UBE3D: variants seen among roughly 807,000 people sequenced by gnomAD.
The protein encoded by UBE3D is ubiquitin protein ligase E3D, also known as E3 ubiquitin-protein ligase E3D.
Under a neutral mutation model 49.6 loss-of-function variants are expected in UBE3D, and 48 were observed. That is an observed-to-expected ratio of 0.97 (90% confidence interval 0.77 to 1.23). The LOEUF is 1.23. Ranked by LOEUF, UBE3D falls within the 50% of genes most tolerant of loss-of-function variation. UBE3D has a pLI of 0.00. For synonymous variants in UBE3D, 189 were observed against 174.2 expected (o/e 1.08, Z -0.67); for missense variants, 452 against 468.4 (o/e 0.96, Z 0.32).
At chr6:82,894,453 A>T (rs9449552) in intron 9 of UBE3D, among the ~76,000 whole-genome samples, 16,311 of 152,004 alleles carry the variant, frequency 0.11, 1,187 homozygotes, top group African/African-American at 0.2. Context: ...CATACTGCCC[A>T]GACCCCTCCC....
At chr6:82,983,996 A>G (rs1036580465) in intron 8 of UBE3D, among the ~76,000 whole-genome samples, 4 of 152,168 alleles carry the variant, frequency 2.6e-5, no homozygotes, top group African/African-American at 9.7e-5. Flanking sequence ...TATGTAAAAT[A>G]TATACTTGTT....
At chr6:82,943,444 T>C (rs1775166907) in intron 9 of UBE3D, among the ~76,000 whole-genome samples, 1 of 152,114 alleles carries the variant, frequency 6.6e-6, no homozygotes, top group Admixed American at 6.5e-5. Flanking sequence ...AAGACCACGC[T>C]GGGCAACATG....
intron 7 of UBE3D, among the ~76,000 whole-genome samples, chr6:83,021,693 C>T (rs555253492): frequency 9.2e-5 from 14 of 151,576 alleles, no homozygotes; most frequent in Admixed American, 2.6e-4. Flanking sequence ...GGTGAAACCC[C>T]GTCTCTACTA....
At chr6:82,921,877 AT>A (rs1319732800) in intron 9 of UBE3D, among the ~76,000 whole-genome samples, 1 of 152,206 alleles carries the variant, frequency 6.6e-6, no homozygotes, top group Non-Finnish European at 1.5e-5. Context: ...AACTGTAGAC[AT>A]TTTCACTAGG....
chr6:82,882,646 T>C, the UBE3D span, among the ~76,000 whole-genome samples: 1 of 152,206 alleles, frequency 6.6e-6, no homozygotes, highest in Non-Finnish European at 1.5e-5. Context: ...GAAGGGCCCA[T>C]CTGCTTCAAA....
At chr6:82,974,182 C>A (rs1195792328) in intron 8 of UBE3D, among the ~76,000 whole-genome samples, 2 of 152,124 alleles carry the variant, frequency 1.3e-5, no homozygotes, top group East Asian at 1.9e-4. Context: ...ATAATGTGCA[C>A]AATAAATGTA....
chr6:82,973,716 C>T (rs1777515276), intron 8 of UBE3D, among the ~76,000 whole-genome samples: 1 of 152,122 alleles, frequency 6.6e-6, no homozygotes, highest in Non-Finnish European at 1.5e-5. Context: ...GAGTAATCAT[C>T]CCTGTACAGC....
intron 4 of UBE3D, among the ~76,000 whole-genome samples, chr6:83,039,483 A>T (rs973162852): frequency 9.9e-5 from 15 of 152,192 alleles, no homozygotes; most frequent in Non-Finnish European, 1.5e-4. Flanking sequence ...GTGCTGCTAG[A>T]TTCAGACAGA....
intron 4 of UBE3D, among the ~76,000 whole-genome samples, chr6:83,041,965 AGTG>A (rs1031763734): frequency 3.3e-5 from 5 of 151,976 alleles, no homozygotes; most frequent in African/African-American, 1.2e-4. Flanking sequence ...GCTGGAGTGC[AGTG>A]GTGCAATCTT....
chr6:82,922,238 CA>C (rs1312218504), intron 9 of UBE3D, among the ~76,000 whole-genome samples: 2 of 152,142 alleles, frequency 1.3e-5, no homozygotes, highest in African/African-American at 4.8e-5. Flanking sequence ...TCATCTTAAA[CA>C]TTTAAAGACA....
At chr6:82,974,612 G>A (rs1158050586) in intron 8 of UBE3D, among the ~76,000 whole-genome samples, 1 of 151,888 alleles carries the variant, frequency 6.6e-6, no homozygotes, top group Non-Finnish European at 1.5e-5. Flanking sequence ...ATCCTCTGAT[G>A]AGGAAACTAT....
intron 9 of UBE3D, among the ~76,000 whole-genome samples, chr6:82,909,479 A>G (rs1772343293): frequency 6.6e-6 from 1 of 152,228 alleles, no homozygotes; most frequent in Admixed American, 6.5e-5. Flanking sequence ...ATTATTCAGA[A>G]ATGCCTCCAG....
At chr6:83,003,621 C>T (rs1349243950) in intron 8 of UBE3D, among the ~76,000 whole-genome samples, 1 of 152,162 alleles carries the variant, frequency 6.6e-6, no homozygotes, top group Non-Finnish European at 1.5e-5. Context: ...CTAAGTGATA[C>T]AGTCTATTAT....
intron 9 of UBE3D, among the ~76,000 whole-genome samples, chr6:82,940,151 TC>T (rs1774905214): frequency 6.6e-6 from 1 of 152,082 alleles, no homozygotes; most frequent in Non-Finnish European, 1.5e-5. Context: ...CCTGGCCCCA[TC>T]CTCCACATTC....
chr6:82,942,587 C>G (rs1486234312), intron 9 of UBE3D, among the ~76,000 whole-genome samples: 1 of 152,242 alleles, frequency 6.6e-6, no homozygotes, highest in African/African-American at 2.4e-5. Context: ...GCCTATTCAG[C>G]TCCAGCCATG....
intron 2 of UBE3D, among the ~76,000 whole-genome samples, chr6:83,056,633 C>A (rs985652434): frequency 1.3e-5 from 2 of 152,092 alleles, no homozygotes; most frequent in African/African-American, 2.4e-5. Context: ...ATTCACTAAC[C>A]CAGGACTTGA....
chr6:83,031,136 T>C (rs113972519), intron 5 of UBE3D, among the ~76,000 whole-genome samples: 1 of 152,174 alleles, frequency 6.6e-6, no homozygotes, highest in Non-Finnish European at 1.5e-5. Flanking sequence ...GCCGCCCAAG[T>C]AGCTGGGCCT....
chr6:82,961,946 T>TA (rs1776582508), intron 8 of UBE3D, among the ~76,000 whole-genome samples: 1 of 132,656 alleles, frequency 7.5e-6, no homozygotes. Context: ...TGGGCAACAA[T>TA]AAAACAAAAA....
chr6:82,887,592 C>G (rs779713074), downstream of UBE3D, among the ~76,000 whole-genome samples: 15 of 149,438 alleles, frequency 1.0e-4, no homozygotes, highest in Non-Finnish European at 1.5e-4. Context: ...GCCTACAATC[C>G]CAGCTACTCG....
Sources: allele counts gnomAD v4.1 joint callset (sites outside exome capture counted in the v4.1 genomes callset), GRCh38; gene constraint gnomAD v4.1.1; transcripts MANE v1.5; gene names NCBI Gene and HGNC (gene_info 2026-07-23, HGNC 2026-07-21).